Variants in ZNF121 observed in about 807,000 individuals in gnomAD.
ZNF121 encodes zinc finger protein 121 (clone ZHC32).
In ZNF121, 1 loss-of-function variant was observed where a neutral mutation model predicts 2.4. The observed-to-expected ratio is 0.41, with a 90% CI of 0.15 to 1.94. The LOEUF is 1.94. ZNF121 is among the 30% of genes most tolerant of loss of function. The pLI is 0.30. For synonymous variants in ZNF121, 173 were observed against 158.6 expected (o/e 1.09, Z -0.68); for missense variants, 369 against 466.3 (o/e 0.79, Z 1.92).
In ZNF121 at chr19:9,560,395, T is replaced by A. The variant is rs898947731; in HGVS notation, c.*5545A>T. ...TTTACCCTTTCACATACTTTGTGTG[T>A]ACCGAAGAGTATTGTTAACTATAGG... On this transcript the variant is annotated 3_prime_UTR_variant, in exon 4 of 4. Transcript: ENST00000320451. The A allele has an allele frequency of 6.6e-6, 1 of 152,214 alleles. No individual in the cohort carries two copies. The highest frequency in any genetic ancestry group is 2.4e-5 in the African/African-American group (1 of 41,446). The allele number at this position is 152,214 out of a possible 1,614,324, so 9.4% of individuals were successfully genotyped here. A position where few individuals can be genotyped will look rare whatever the true frequency, so the allele number is the denominator to read the frequency against.
intron 3 of ZNF121, 66 bp from the exon 4 acceptor site, chr19:9,567,175 TGAAATCA>T (rs2074140015): frequency 7.2e-7 from 1 of 1,389,156 alleles, no homozygotes; most frequent in South Asian, 1.4e-5. Context: ...TTTACCCATC[TGAAATCA>T]GACAGTTTAT....
intron 1 of ZNF121, among the ~76,000 whole-genome samples, chr19:9,575,174 C>G (rs548476105): frequency 6.6e-6 from 1 of 152,190 alleles, no homozygotes; most frequent in African/African-American, 2.4e-5. Flanking sequence ...AATCACAACA[C>G]TTTGGGAGGC....
chr19:9,576,780 CAG>C (rs1257080638), intron 1 of ZNF121, among the ~76,000 whole-genome samples: 4 of 151,894 alleles, frequency 2.6e-5, no homozygotes, highest in Non-Finnish European at 5.9e-5. Flanking sequence ...AAAAAGAAAA[CAG>C]AACAGAAACC....
At chr19:9,582,917 T>TTTA (rs140640245) in intron 1 of ZNF121, among the ~76,000 whole-genome samples, 2 of 151,432 alleles carry the variant, frequency 1.3e-5, no homozygotes, top group Non-Finnish European at 2.9e-5. Flanking sequence ...ATATTCTGAT[T>TTTA]ATAAAGCCTC....
chr19:9,575,374 T>C (rs1369554840), intron 1 of ZNF121, among the ~76,000 whole-genome samples: 1 of 151,528 alleles, frequency 6.6e-6, no homozygotes, highest in Non-Finnish European at 1.5e-5. Flanking sequence ...AGTTAGCCGA[T>C]ATTGTGCCAC....
At chr19:9,574,030 T>TC (rs2074192590) in intron 1 of ZNF121, among the ~76,000 whole-genome samples, 1 of 105,398 alleles carries the variant, frequency 9.5e-6, no homozygotes, top group Non-Finnish European at 1.8e-5. Flanking sequence ...TTTCTTTCTT[T>TC]TTTTTTTTTT....
intron 3 of ZNF121, among the ~76,000 whole-genome samples, 155 bp from the exon 4 acceptor site, chr19:9,567,264 T>C (rs1208955692): frequency 1.3e-5 from 2 of 152,214 alleles, no homozygotes. Flanking sequence ...ACAAGTTGAA[T>C]GAAGAAAACC....
chr19:9,566,036 A>G lies in ZNF121; in HGVS notation c.1077T>C (p.Val359=). The G allele has an allele frequency of 6.2e-7, 1 of 1,603,622 alleles. No individual in the cohort carries two copies. The highest frequency in any genetic ancestry group is 8.5e-7 in the Non-Finnish European group (1 of 1,174,700). Residue 359 remains valine, a synonymous_variant, in exon 4 of 4, where the codon GTT becomes GTC. Transcript: ENST00000320451. ...FRASSHLQKH[V]RIHTGEKPYI... The stretch of plus-strand genomic sequence containing the variant: ...AGGGTTTCTCTCCAGTGTGAATTCT[A>G]ACATGTTTCTGTAGATGTGAAGAAG...
At chr19:9,581,767 C>T (rs1371408404) in intron 1 of ZNF121, among the ~76,000 whole-genome samples, 1 of 152,128 alleles carries the variant, frequency 6.6e-6, no homozygotes, top group Non-Finnish European at 1.5e-5. Flanking sequence ...CATCCAAGAG[C>T]ATACGTTGAA....
intron 1 of ZNF121, among the ~76,000 whole-genome samples, chr19:9,580,939 A>T (rs2074244529): frequency 6.6e-6 from 1 of 152,232 alleles, no homozygotes; most frequent in Non-Finnish European, 1.5e-5. Context: ...TAACTAAGGC[A>T]GATCTGAGTA....
chr19:9,577,327 G>C (rs2074217825), intron 1 of ZNF121, among the ~76,000 whole-genome samples: 2 of 152,100 alleles, frequency 1.3e-5, no homozygotes, highest in African/African-American at 4.8e-5. Flanking sequence ...ATGTGCGCCT[G>C]TAGTCCCTGC....
chr19:9,580,773 G>A (rs1416062230), intron 1 of ZNF121, among the ~76,000 whole-genome samples: 2 of 152,150 alleles, frequency 1.3e-5, no homozygotes, highest in African/African-American at 4.8e-5. Flanking sequence ...GAAGCCTCTG[G>A]CATACACCAA....
chr19:9,568,126 C>CAA lies in ZNF121; in HGVS notation c.-31_-30dup. On this transcript the variant is annotated 5_prime_UTR_variant, in exon 3 of 4. Transcript: ENST00000320451. Reference sequence around the variant, plus strand: ...TATGCCGTTTGATGTTTTGTTAAGCCAAAAAAAAATGTTGTTGAGGTGCTG... The same window carrying CAA: ...TATGCCGTTTGATGTTTTGTTAAGCCAAAAAAAAAAATGTTGTTGAGGTGCTG... 2.7e-6 allele frequency: 4 copies of CAA among 1,456,338 alleles called. No homozygotes were observed. Among genetic ancestry groups the CAA allele is most frequent in the Non-Finnish European group, 3.7e-6 (4 of 1,083,434 alleles). 90.2% of individuals were successfully genotyped at this position (1,456,338 alleles called of 1,614,324 possible). A position where few individuals can be genotyped will look rare whatever the true frequency, so the allele number is the denominator to read the frequency against.
intron 1 of ZNF121, among the ~76,000 whole-genome samples, chr19:9,569,868 G>A (rs538304984): frequency 6.0e-5 from 8 of 133,242 alleles, no homozygotes; most frequent in East Asian, 2.2e-4. Flanking sequence ...TTACGATATC[G>A]TCAAAAGCTC....
intron 1 of ZNF121, among the ~76,000 whole-genome samples, chr19:9,571,463 A>C (rs2074173752): frequency 6.6e-6 from 1 of 152,196 alleles, no homozygotes; most frequent in South Asian, 2.1e-4. Context: ...TTCAAAATGT[A>C]ATGCCTTTAC....
intron 1 of ZNF121, among the ~76,000 whole-genome samples, chr19:9,580,217 G>C (rs1353565669): frequency 1.3e-5 from 2 of 151,830 alleles, no homozygotes; most frequent in Non-Finnish European, 2.9e-5. Flanking sequence ...GCGTGAACTC[G>C]GGAGGCAGAG....
At chr19:9,578,759 C>T (rs529023002) in intron 1 of ZNF121, among the ~76,000 whole-genome samples, 2 of 152,198 alleles carry the variant, frequency 1.3e-5, no homozygotes, top group East Asian at 3.9e-4. Flanking sequence ...GGAAACAATC[C>T]AGGACATTGG....
intron 1 of ZNF121, among the ~76,000 whole-genome samples, chr19:9,569,919 G>A (rs1367766722): frequency 1.4e-5 from 2 of 144,806 alleles, no homozygotes; most frequent in Admixed American, 6.9e-5. Flanking sequence ...ATCATGGGTA[G>A]TATTACATCT....
chr19:9,569,910 T>A (rs997875125), intron 1 of ZNF121, among the ~76,000 whole-genome samples: 1 of 149,218 alleles, frequency 6.7e-6, no homozygotes, highest in Non-Finnish European at 1.5e-5. Context: ...TTTTCTTATA[T>A]CATGGGTAGT....
Sources: allele counts gnomAD v4.1 joint callset (sites outside exome capture counted in the v4.1 genomes callset), GRCh38; gene constraint gnomAD v4.1.1; transcripts MANE v1.5; gene names NCBI Gene and HGNC (gene_info 2026-07-23, HGNC 2026-07-21).